The following UGP2 variants were observed in gnomAD, a reference collection of about 807,000 sequenced individuals.
The protein encoded by UGP2 is UTP--glucose-1-phosphate uridylyltransferase.
A neutral mutation model predicts 49.0 loss-of-function variants in UGP2; 40 were observed. That is an observed-to-expected ratio of 0.82 (90% CI 0.63 to 1.06). UGP2 has a LOEUF of 1.06. Among genes scored for constraint, UGP2 ranks in the 50% least tolerant of loss-of-function variants. The pLI is 0.00. For synonymous variants in UGP2, 225 were observed against 213.0 expected (o/e 1.06, Z -0.49); for missense variants, 460 against 603.5 (o/e 0.76, Z 2.49).
intron 2 of UGP2, chr2:63,857,550 A>T: frequency 2.1e-6 from 1 of 477,122 alleles, no homozygotes; most frequent in Non-Finnish European, 4.1e-6. Context: ...TTTTTTGTAG[A>T]CACCGGGTTT....
intron 1 of UGP2, chr2:63,855,421 G>T (rs776455244): frequency 2.1e-6 from 1 of 482,242 alleles, no homozygotes; most frequent in Admixed American, 2.1e-5. Flanking sequence ...CCTATTTTAT[G>T]AGAAGTAAAT....
At chr2:63,887,902 G>A (rs185972074) in intron 8 of UGP2, 104 of 426,296 alleles carry the variant, frequency 2.4e-4, no homozygotes, top group African/African-American at 2.0e-3. Flanking sequence ...TCCAAGACCA[G>A]TACTGCTTTC....
In UGP2 at chr2:63,882,506, A is replaced by G. The variant is rs1179892833; in HGVS notation, c.296A>G (p.Asp99Gly). 1 of 1,609,168 alleles carries G rather than the reference A, an allele frequency of 6.2e-7. No individual in the cohort carries two copies. The highest frequency in any genetic ancestry group is 8.5e-7 in the Non-Finnish European group (1 of 1,176,540). The part of the protein sequence containing the change: ...YEKIKARGLP[D>G]NISSVLNKLV... The stretch of plus-strand genomic sequence containing the variant: ...AAGATAAAGGCCAGGGGCTTGCCTG[A>G]TAATATATCTTCCGTGTTGAACAAA... The change falls in exon 4 of 10, where the codon GAT (aspartate) becomes GGT (glycine). Residue 99 changes from aspartate (D) to glycine (G), a missense_variant. Coordinates refer to ENST00000337130, the MANE Select transcript of UGP2 (RefSeq NM_006759.4).
In UGP2 at chr2:63,891,110, T is replaced by C. The variant is rs1336100604; in HGVS notation, c.1420-10T>C. On this transcript the variant is annotated splice_polypyrimidine_tract_variant and intron_variant, in intron 9 of 9. Coordinates refer to ENST00000337130, the MANE Select transcript of UGP2 (RefSeq NM_006759.4). ...TGCAAGTACACTCTTTTGTTTTCCC[T>C]GTCACTTAGGGAACGGTTATCATCA... 2 of 1,609,144 alleles carry C rather than the reference T, an allele frequency of 1.2e-6. No homozygotes were observed. Among genetic ancestry groups the C allele is most frequent in the Non-Finnish European group, 1.7e-6 (2 of 1,176,946 alleles).
At chr2:63,876,478 T>G (rs1670912031) in intron 3 of UGP2, among the ~76,000 whole-genome samples, 1 of 152,240 alleles carries the variant, frequency 6.6e-6, no homozygotes, top group Non-Finnish European at 1.5e-5. Flanking sequence ...TTCTCCCGTC[T>G]TCATACGCTG....
chr2:63,856,755 G>A (rs1401899775), intron 2 of UGP2: 1 of 472,240 alleles, frequency 2.1e-6, no homozygotes, highest in Non-Finnish European at 4.2e-6. Context: ...ATTGAGAGAA[G>A]TTAGCTTCAT....
intron 3 of UGP2, among the ~76,000 whole-genome samples, chr2:63,872,341 C>T (rs903521761): frequency 2.6e-5 from 4 of 152,192 alleles, no homozygotes; most frequent in South Asian, 2.1e-4. Context: ...ATCCTGCTTT[C>T]AGAGATGTTA....
intron 1 of UGP2, among the ~76,000 whole-genome samples, chr2:63,847,332 A>G (rs1373011576): frequency 6.6e-6 from 1 of 152,204 alleles, no homozygotes; most frequent in Non-Finnish European, 1.5e-5. Flanking sequence ...GAATTATAGC[A>G]AGTTTAATTA....
Position 63,890,327 on chromosome 2 carries a change from TGAG to T in UGP2, c.1419+143_1419+145del, listed in dbSNP as rs1672019912. 3 of 622,042 alleles carry T rather than the reference TGAG, an allele frequency of 4.8e-6. No homozygotes were observed. In the Admixed American group the frequency reaches 9.9e-5, roughly 21 times the overall value. 38.5% of individuals were successfully genotyped at this position (622,042 alleles called of 1,614,324 possible). A position where few individuals can be genotyped will look rare whatever the true frequency, so the allele number is the denominator to read the frequency against. ...TACTAGTGTAATTATTTTACTGAAA[TGAG>T]AATCTTTAAAATAGGATCACTATTA... On this transcript the variant is annotated intron_variant, in intron 9 of 9. Transcript: ENST00000337130.
chr2:63,846,400 G>C (rs1398180820), intron 1 of UGP2, among the ~76,000 whole-genome samples: 3 of 151,900 alleles, frequency 2.0e-5, no homozygotes, highest in Non-Finnish European at 4.4e-5. Context: ...GCCAGCTAAG[G>C]CTATAATGGA....
chr2:63,865,907 T>G (rs1027665861), intron 3 of UGP2, among the ~76,000 whole-genome samples: 2 of 152,180 alleles, frequency 1.3e-5, no homozygotes, highest in African/African-American at 4.8e-5. Context: ...TCAGTTGTGC[T>G]TGTTCTCAAA....
At chr2:63,859,392 G>T (rs1053478775) in intron 3 of UGP2, among the ~76,000 whole-genome samples, 1 of 152,084 alleles carries the variant, frequency 6.6e-6, no homozygotes, top group African/African-American at 2.4e-5. Context: ...TTGAAGGAAG[G>T]TACGCAGATT....
At position 63,862,077 on chromosome 2, in the gene UGP2, A is replaced by G. The variant is rs144860822; in HGVS notation, c.255+4141A>G. Among the ~76,000 whole-genome samples, 323 of 152,168 alleles carry G rather than the reference A, an allele frequency of 2.1e-3. 1 individual carries two copies. Among genetic ancestry groups the G allele is most frequent in the Non-Finnish European group, 3.1e-3 (209 of 68,012 alleles). On this transcript the variant is annotated intron_variant, in intron 3 of 9. Transcript: ENST00000337130. ...AAATCTTGAGGCAATCTGGCCAAGCATCTGATATAGTATGCCATATAGGAT... is the reference window on the plus strand; with the variant it reads ...AAATCTTGAGGCAATCTGGCCAAGCGTCTGATATAGTATGCCATATAGGAT...
intron 3 of UGP2, among the ~76,000 whole-genome samples, chr2:63,861,162 A>T (rs1225203064): frequency 6.6e-6 from 1 of 152,032 alleles, no homozygotes; most frequent in Non-Finnish European, 1.5e-5. Context: ...AAGTAAAAAA[A>T]TTTTTATATA....
chr2:63,853,777 CTCTT>C (rs1244567983), intron 1 of UGP2, among the ~76,000 whole-genome samples: 4 of 152,158 alleles, frequency 2.6e-5, no homozygotes, highest in Admixed American at 6.5e-5. Context: ...GTAGCCCTCT[CTCTT>C]TTTTGGCTCC....
intron 3 of UGP2, among the ~76,000 whole-genome samples, chr2:63,865,892 C>T (rs900470790): frequency 6.6e-6 from 1 of 151,916 alleles, no homozygotes; most frequent in East Asian, 1.9e-4. Flanking sequence ...GCTTGCTTAC[C>T]GAAGTCAGTT....
intron 2 of UGP2, 191 bp downstream of exon 2, chr2:63,856,624 T>C: frequency 1.6e-6 from 1 of 634,488 alleles, no homozygotes; most frequent in Admixed American, 3.0e-5. Context: ...AAATCCATTA[T>C]CTTTTTTTCA....
intron 2 of UGP2, chr2:63,857,555 G>T (rs777273321): frequency 1.2e-5 from 6 of 484,082 alleles, no homozygotes; most frequent in Non-Finnish European, 2.4e-5. Context: ...TGTAGACACC[G>T]GGTTTTGCCA....
At chr2:63,863,752 G>GGTAA (rs1439208166) in intron 3 of UGP2, among the ~76,000 whole-genome samples, 3 of 152,118 alleles carry the variant, frequency 2.0e-5, no homozygotes, top group Non-Finnish European at 4.4e-5. Flanking sequence ...GGAAGGACAA[G>GGTAA]GTAATAACTA....
Sources: gnomAD v4.1 joint callset for allele counts (sites outside exome capture counted in the v4.1 genomes callset) on GRCh38, gnomAD v4.1.1 for gene constraint, MANE v1.5 for transcripts, NCBI Gene and HGNC (gene_info 2026-07-23, HGNC 2026-07-21) for gene names.